Variants in OSBPL2 observed in about 807,000 individuals in gnomAD.
OSBPL2 encodes the protein oxysterol-binding protein-related protein 2.
In OSBPL2, 18 loss-of-function variants were observed where a neutral mutation model predicts 58.4. That is an observed-to-expected ratio of 0.31 (90% CI 0.21 to 0.46). OSBPL2 has a LOEUF of 0.46. OSBPL2 is among the 20% of genes least tolerant of loss of function. The pLI is 1.00. For missense variants in OSBPL2, 461 were observed against 616.5 expected, an observed-to-expected ratio of 0.75 and a Z score of 2.67; for synonymous variants, 221 against 234.1, an observed-to-expected ratio of 0.94 and a Z score of 0.51.
rs1201111345 is a variant in OSBPL2, at chr20:62,293,987, A to C, written c.*100A>C. On this transcript the variant is annotated 3_prime_UTR_variant, in exon 14 of 14. Transcript: ENST00000313733. ...CGTCACAGCAGAAACCAACTTTTCT[A>C]ACGACTGAGTTCGCGGAGATAGCAT... 4 of 1,480,180 alleles carry C rather than the reference A, an allele frequency of 2.7e-6. No individual in the cohort carries two copies. Among genetic ancestry groups the C allele is most frequent in the Non-Finnish European group, 9.0e-7 (1 of 1,110,616 alleles). 91.7% of individuals were successfully genotyped at this position (1,480,180 alleles called of 1,614,324 possible).
intron 9 of OSBPL2, among the ~76,000 whole-genome samples, 174 bp from the exon 10 acceptor site, chr20:62,283,872 C>T (rs1172920518): frequency 1.3e-5 from 2 of 151,976 alleles, no homozygotes; most frequent in African/African-American, 4.8e-5. Flanking sequence ...TGGTGTGTAT[C>T]GGGGCTACGA....
At chr20:62,286,554 C>A (rs1479612305) in intron 10 of OSBPL2, 29 bp from the exon 11 acceptor site, 1 of 1,595,184 alleles carries the variant, frequency 6.3e-7, no homozygotes, top group Non-Finnish European at 8.6e-7. Flanking sequence ...TGGCCCCGGG[C>A]AGCCACACAG....
chr20:62,286,344 G>A (rs1037005101), intron 10 of OSBPL2: 3 of 381,316 alleles, frequency 7.9e-6, no homozygotes, highest in African/African-American at 6.2e-5. Context: ...CAGCTACTCG[G>A]GAGGCTGAGG....
chr20:62,268,049 A>ATTT (rs149417240), intron 4 of OSBPL2, among the ~76,000 whole-genome samples: 31 of 116,140 alleles, frequency 2.7e-4, no homozygotes, highest in Admixed American at 7.6e-4. Context: ...TGCCCGGCTA[A>ATTT]TTTTTTTTTT....
At chr20:62,247,639 G>T (rs1430454077) in intron 1 of OSBPL2, among the ~76,000 whole-genome samples, 1 of 151,912 alleles carries the variant, frequency 6.6e-6, no homozygotes, top group Non-Finnish European at 1.5e-5. Context: ...AGTAGTGTTG[G>T]ATGGGGTCCT....
chr20:62,263,467 G>A (rs772797796), intron 3 of OSBPL2, 149 bp from the exon 4 acceptor site: 2 of 666,668 alleles, frequency 3.0e-6, no homozygotes, highest in African/African-American at 3.5e-5. Context: ...GGCAGCAGTC[G>A]TGCCCTGTGT....
At chr20:62,287,382 A>G (rs1983205272) in intron 11 of OSBPL2, among the ~76,000 whole-genome samples, 1 of 152,224 alleles carries the variant, frequency 6.6e-6, no homozygotes, top group African/African-American at 2.4e-5. Flanking sequence ...AAAGGAAGCA[A>G]AACCTTCACT....
intron 1 of OSBPL2, among the ~76,000 whole-genome samples, chr20:62,254,306 G>C (rs1980776442): frequency 6.6e-6 from 1 of 152,252 alleles, no homozygotes; most frequent in Admixed American, 6.5e-5. Context: ...ACCATGGCAA[G>C]AGGAGCCCAG....
rs200784002 is a variant in OSBPL2, at chr20:62,291,528, CG to C, written c.1250-173del. 2,390 of 659,750 alleles carry C rather than the reference CG, an allele frequency of 3.6e-3. 52 individuals carry two copies. The African/African-American group carries it at 0.038, about 11-fold the overall frequency. The allele number at this position is 659,750 out of a possible 1,614,324, so 40.9% of individuals were successfully genotyped here. ...CTTGGGAAGGGCCCTGTTGGCGTGC[CG>C]GCCGCTGTGGCCTCGGCAACTGTGA... is the stretch of plus-strand genomic sequence containing the variant. On this transcript the variant is annotated intron_variant, in intron 12 of 13. Transcript: ENST00000313733.
intron 13 of OSBPL2, among the ~76,000 whole-genome samples, chr20:62,292,473 A>C (rs1410790325): frequency 1.3e-5 from 2 of 152,252 alleles, no homozygotes; most frequent in African/African-American, 4.8e-5. Flanking sequence ...TCACAGAAGC[A>C]TCAGCTGCTG....
At position 62,246,333 on chromosome 20, in the gene OSBPL2, G is replaced by A. The variant is rs752641554; in HGVS notation, c.-129+7736G>A. ...GTTCTCCCTCACGTTTCAAGTGCTTGTAGCCACCTGTGGCCCATAGGGACG... is the reference window on the plus strand; with the variant it reads ...GTTCTCCCTCACGTTTCAAGTGCTTATAGCCACCTGTGGCCCATAGGGACG... On this transcript the variant is annotated intron_variant, in intron 1 of 13. Transcript: ENST00000313733. 1.4e-4 allele frequency among the ~76,000 whole-genome samples: 21 copies of A among 152,274 alleles called. 1 individual carries two copies. The highest frequency in any genetic ancestry group is 1.0e-3 in the Admixed American group (16 of 15,288).
At chr20:62,241,698 T>C (rs1292561560) in intron 1 of OSBPL2, among the ~76,000 whole-genome samples, 1 of 152,254 alleles carries the variant, frequency 6.6e-6, no homozygotes, top group Non-Finnish European at 1.5e-5. Context: ...CGGATTACTA[T>C]GTGGAATCTG....
chr20:62,246,987 A>AT (rs1377703809), intron 1 of OSBPL2, among the ~76,000 whole-genome samples: 2 of 152,104 alleles, frequency 1.3e-5, no homozygotes, highest in Non-Finnish European at 2.9e-5. Context: ...CTTTCCAAGC[A>AT]TTTGAGTGGC....
In OSBPL2 at chr20:62,256,111, T is replaced by C. The variant is rs949030350; in HGVS notation, c.-74T>C. ...AGAAAGTTTGTAAAATTCCTTACAC[T>C]GTAGATGTGGATCAGATACGATGAT... On this transcript the variant is annotated 5_prime_UTR_variant, in exon 2 of 14. Coordinates refer to ENST00000313733, the MANE Select transcript of OSBPL2 (RefSeq NM_144498.4). 3.9e-6 allele frequency: 6 copies of C among 1,534,492 alleles called. No individual in the cohort carries two copies. The African/African-American group carries it at 8.2e-5, about 21-fold the overall frequency.
chr20:62,292,561 T>C (rs1470530708), intron 13 of OSBPL2, among the ~76,000 whole-genome samples: 1 of 152,248 alleles, frequency 6.6e-6, no homozygotes, highest in Non-Finnish European at 1.5e-5. Flanking sequence ...AAAAGAACCA[T>C]TGAATAAGGA....
chr20:62,240,935 C>T (rs142903134), intron 1 of OSBPL2, among the ~76,000 whole-genome samples: 1 of 152,216 alleles, frequency 6.6e-6, no homozygotes, highest in Non-Finnish European at 1.5e-5. Context: ...GACAGGCGTA[C>T]AGTCCAGACT....
intron 9 of OSBPL2, 71 bp downstream of exon 9, chr20:62,281,950 T>A: frequency 6.0e-6 from 6 of 1,001,678 alleles, no homozygotes; most frequent in Non-Finnish European, 8.0e-6. Flanking sequence ...GCTCAGGTGC[T>A]CCTGGGCCTG....
In OSBPL2 at chr20:62,267,088, A is replaced by G. The variant is rs369088846; in HGVS notation, c.258+3397A>G. On this transcript the variant is annotated intron_variant, in intron 4 of 13. Transcript: ENST00000313733. ...AACAAAGTGAGATCCCATCTCTACA[A>G]AAAAGAATTAGCCGGGCATGGTGGC... Among the ~76,000 whole-genome samples the G allele has an allele frequency of 9.8e-5, 15 of 152,336 alleles. No individual in the cohort carries two copies. In the East Asian group the frequency reaches 1.4e-3, roughly 14 times the overall value.
intron 6 of OSBPL2, among the ~76,000 whole-genome samples, chr20:62,274,860 T>C (rs1363471967): frequency 6.6e-6 from 1 of 152,230 alleles, no homozygotes; most frequent in East Asian, 1.9e-4. Flanking sequence ...TTTATCATCT[T>C]GTTTTATTAT....
Sources: gnomAD v4.1 joint callset for allele counts (sites outside exome capture counted in the v4.1 genomes callset) on GRCh38, gnomAD v4.1.1 for gene constraint, MANE v1.5 for transcripts, NCBI Gene and HGNC (gene_info 2026-07-23, HGNC 2026-07-21) for gene names.